Variants in KLF12 observed in about 807,000 individuals in gnomAD.
The protein encoded by KLF12 is KLF transcription factor 12, also known as Krueppel-like factor 12.
Under a neutral mutation model 37.8 loss-of-function variants are expected in KLF12, and 9 were observed. The observed-to-expected ratio is 0.24, with a 90% CI of 0.14 to 0.42. The LOEUF (loss-of-function observed/expected upper bound fraction) is 0.42, where lower values mean the gene tolerates loss of function less well. KLF12 is among the 10% of genes least tolerant of loss of function. The pLI is 1.00. For missense variants in KLF12, 411 were observed against 516.0 expected (o/e 0.80, Z 1.97); for synonymous variants, 208 against 202.1 (o/e 1.03, Z -0.25).
intron 4 of KLF12, among the ~76,000 whole-genome samples, chr13:73,837,969 C>A (rs1191671036): frequency 6.6e-6 from 1 of 152,130 alleles, no homozygotes; most frequent in Non-Finnish European, 1.5e-5. Context: ...GTAAGGTAGA[C>A]AGAAGCGAGT....
intron 6 of KLF12, among the ~76,000 whole-genome samples, chr13:73,727,679 A>C (rs1163522005): frequency 6.6e-6 from 1 of 152,108 alleles, no homozygotes; most frequent in Non-Finnish European, 1.5e-5. Flanking sequence ...CATAAAATTA[A>C]GAATCATCTC....
At chr13:73,729,421 G>A (rs1471822946) in intron 6 of KLF12, among the ~76,000 whole-genome samples, 1 of 152,132 alleles carries the variant, frequency 6.6e-6, no homozygotes, top group Admixed American at 6.5e-5. Context: ...CCAAACATAA[G>A]CTTAGAAGAT....
the KLF12 span, among the ~76,000 whole-genome samples, chr13:74,144,637 C>A: frequency 6.6e-6 from 1 of 152,028 alleles, no homozygotes; most frequent in African/African-American, 2.4e-5. Context: ...TAAAAAAATT[C>A]GGTGGGATCA....
chr13:73,785,048 C>G (rs993326117), intron 5 of KLF12, among the ~76,000 whole-genome samples: 6 of 151,942 alleles, frequency 3.9e-5, no homozygotes, highest in African/African-American at 1.4e-4. Flanking sequence ...TAGGGCTACT[C>G]CAGAGAAATT....
chr13:74,046,128 A>T (rs1385664350), intron 1 of KLF12, among the ~76,000 whole-genome samples: 1 of 152,154 alleles, frequency 6.6e-6, no homozygotes, highest in Non-Finnish European at 1.5e-5. Flanking sequence ...GGTTTCTAAG[A>T]ACTATCTGTG....
At chr13:73,849,275 A>G (rs1323213378) in intron 3 of KLF12, among the ~76,000 whole-genome samples, 1 of 151,290 alleles carries the variant, frequency 6.6e-6, no homozygotes, top group Non-Finnish European at 1.5e-5. Flanking sequence ...GCTACTCAGG[A>G]AGGTGAGGCA....
intron 6 of KLF12, among the ~76,000 whole-genome samples, chr13:73,737,292 GAATTT>G (rs1218961499): frequency 6.6e-6 from 1 of 152,076 alleles, no homozygotes; most frequent in African/African-American, 2.4e-5. Context: ...AAATTAAAAA[GAATTT>G]TATCTGGAAT....
rs117588036 is a variant in KLF12, at chr13:73,811,378, T to C, written c.806+1774A>G. Among the ~76,000 whole-genome samples the C allele has an allele frequency of 4.8e-4, 73 of 152,280 alleles. 1 individual carries two copies. In the East Asian group the frequency reaches 0.013, roughly 27 times the overall value. On this transcript the variant is annotated intron_variant, in intron 5 of 7. Coordinates refer to ENST00000377669, the MANE Select transcript of KLF12 (RefSeq NM_007249.5). ...AGTTCTAAACTTTGTCTTGTTACCA[T>C]TTATTATGTGACTGGAAAAGTCATC...
At chr13:74,213,163 T>TATACACAC in the KLF12 span, among the ~76,000 whole-genome samples, 1 of 152,210 alleles carries the variant, frequency 6.6e-6, no homozygotes, top group Admixed American at 6.5e-5. Flanking sequence ...TAGTAGTATG[T>TATACACAC]ATACACACAC....
At chr13:73,930,285 ATCTATTAAATAAAC>A (rs911050373) in intron 3 of KLF12, among the ~76,000 whole-genome samples, 1 of 152,188 alleles carries the variant, frequency 6.6e-6, no homozygotes, top group East Asian at 1.9e-4. Flanking sequence ...AAACGCAAAT[ATCTATTAAATAAAC>A]TCTATTAAAT....
chr13:73,958,385 G>A (rs561050312), intron 2 of KLF12, among the ~76,000 whole-genome samples: 2 of 152,016 alleles, frequency 1.3e-5, no homozygotes, highest in East Asian at 3.9e-4. Context: ...CTGGGATACA[G>A]GCACACACCA....
At chr13:73,856,673 T>C (rs925135499) in intron 3 of KLF12, among the ~76,000 whole-genome samples, 3 of 152,092 alleles carry the variant, frequency 2.0e-5, no homozygotes, top group Non-Finnish European at 4.4e-5. Flanking sequence ...AGTGGCACCC[T>C]CAAGCAAATA....
chr13:73,767,760 A>G (rs773317298), intron 5 of KLF12, among the ~76,000 whole-genome samples: 3 of 152,232 alleles, frequency 2.0e-5, no homozygotes, highest in Non-Finnish European at 4.4e-5. Context: ...AGATGACTTA[A>G]TACAAAAACG....
intron 1 of KLF12, among the ~76,000 whole-genome samples, chr13:74,031,878 G>A (rs1357178426): frequency 1.3e-5 from 2 of 151,986 alleles, no homozygotes; most frequent in Non-Finnish European, 2.9e-5. Flanking sequence ...CTAAATGTCG[G>A]GCTAAGCAAC....
chr13:73,901,760 C>G (rs1303955406), intron 3 of KLF12, among the ~76,000 whole-genome samples: 1 of 152,094 alleles, frequency 6.6e-6, no homozygotes, highest in Non-Finnish European at 1.5e-5. Context: ...CAGTGGCTTT[C>G]TAAAGTAAAG....
At chr13:74,113,702 A>G (rs1331763895) in intron 1 of KLF12, among the ~76,000 whole-genome samples, 1 of 152,214 alleles carries the variant, frequency 6.6e-6, no homozygotes, top group African/African-American at 2.4e-5. Flanking sequence ...TTTCATGCCT[A>G]ACACAACATC....
chr13:73,933,968 T>C (rs1031296589), intron 3 of KLF12, among the ~76,000 whole-genome samples: 3 of 152,150 alleles, frequency 2.0e-5, no homozygotes, highest in African/African-American at 4.8e-5. Context: ...CTTACAAAAC[T>C]GAAACTCTAT....
intron 3 of KLF12, among the ~76,000 whole-genome samples, chr13:73,906,655 G>GTT (rs1888312720): frequency 6.6e-6 from 1 of 152,120 alleles, no homozygotes; most frequent in Non-Finnish European, 1.5e-5. Flanking sequence ...CTCCTTAAGT[G>GTT]TTTAAATTCT....
At chr13:73,903,202 G>GT (rs1319792926) in intron 3 of KLF12, among the ~76,000 whole-genome samples, 5 of 151,960 alleles carry the variant, frequency 3.3e-5, no homozygotes, top group East Asian at 3.9e-4. Context: ...AGCAATGCTG[G>GT]TTTTTTTTAA....
Sources: allele counts gnomAD v4.1 joint callset (sites outside exome capture counted in the v4.1 genomes callset), GRCh38; gene constraint gnomAD v4.1.1; transcripts MANE v1.5; gene names NCBI Gene and HGNC (gene_info 2026-07-23, HGNC 2026-07-21).